The following GRIK1 variants were observed in gnomAD, a reference collection of about 807,000 sequenced individuals.
GRIK1 encodes the protein glutamate ionotropic receptor kainate type subunit 1.
In GRIK1, 69 loss-of-function variants were observed where a neutral mutation model predicts 105.7. The observed-to-expected ratio is 0.65, with a 90% CI of 0.54 to 0.80. The LOEUF is 0.80. Among genes scored for constraint, GRIK1 ranks in the 30% least tolerant of loss-of-function variants. The pLI is 0.00. For missense variants in GRIK1, 1,109 were observed against 1,167.3 expected, an observed-to-expected ratio of 0.95 and a Z score of 0.73; for synonymous variants, 438 against 431.3, an observed-to-expected ratio of 1.02 and a Z score of -0.19.
chr21:29,734,462 G>T (rs1259842887), intron 1 of GRIK1, among the ~76,000 whole-genome samples: 1 of 149,928 alleles, frequency 6.7e-6, no homozygotes. Context: ...AGGGTGGAGT[G>T]CAGTGGCACA....
At chr21:29,537,509 G>C (rs1021387955) in intron 17 of GRIK1, 124 bp from the exon 18 acceptor site, 7 of 777,674 alleles carry the variant, frequency 9.0e-6, no homozygotes, top group African/African-American at 1.7e-5. Context: ...GTCACAATTG[G>C]CCAGTTCCCA....
intron 1 of GRIK1, among the ~76,000 whole-genome samples, chr21:29,879,214 G>A (rs376855476): frequency 2.0e-4 from 31 of 152,204 alleles, no homozygotes; most frequent in South Asian, 4.1e-4. Flanking sequence ...AAACAATAGC[G>A]GGGAAGCTAT....
intron 1 of GRIK1, among the ~76,000 whole-genome samples, chr21:29,929,750 C>G (rs2071503372): frequency 6.6e-6 from 1 of 152,144 alleles, no homozygotes; most frequent in South Asian, 2.1e-4. Context: ...TTATGGAAAA[C>G]AGTATGTAGG....
chr21:29,741,324 A>G (rs889873071), intron 1 of GRIK1, among the ~76,000 whole-genome samples: 1 of 152,146 alleles, frequency 6.6e-6, no homozygotes, highest in Non-Finnish European at 1.5e-5. Context: ...TGACAGGTTA[A>G]TTTATGTTTT....
At chr21:29,789,643 C>T (rs1225638973) in intron 1 of GRIK1, among the ~76,000 whole-genome samples, 4 of 152,154 alleles carry the variant, frequency 2.6e-5, no homozygotes, top group East Asian at 1.9e-4. Context: ...CTTCCCTTAT[C>T]GCAGTAACCC....
At chr21:29,539,951 A>G (rs1195263974) in intron 16 of GRIK1, among the ~76,000 whole-genome samples, 1 of 152,204 alleles carries the variant, frequency 6.6e-6, no homozygotes, top group Non-Finnish European at 1.5e-5. Context: ...TTATCACTAT[A>G]GATAGCTTTT....
At chr21:29,565,970 G>A (rs763552277) in intron 14 of GRIK1, among the ~76,000 whole-genome samples, 11 of 152,268 alleles carry the variant, frequency 7.2e-5, no homozygotes, top group Admixed American at 2.6e-4. Context: ...AGTTCTGTCC[G>A]CTGCATGCCA....
rs757488482 is a variant in GRIK1, at chr21:29,598,828, A to G, written c.1206+2T>C. 1 of 1,275,146 alleles carries G rather than the reference A, an allele frequency of 7.8e-7. No individual in the cohort carries two copies. The highest frequency in any genetic ancestry group is 1.3e-5 in the South Asian group (1 of 79,568). The allele number at this position is 1,275,146 out of a possible 1,614,324, so 79.0% of individuals were successfully genotyped here. A position where few individuals can be genotyped will look rare whatever the true frequency, so the allele number is the denominator to read the frequency against. ...TTATTTATTTATTGTTAAGGAGGTT[A>G]CCTTTTCAGTTCCTTCCTCTTTGAG... is the stretch of plus-strand genomic sequence containing the variant. On this transcript the variant is annotated splice_donor_variant, in intron 8 of 17. Transcript: ENST00000327783. LOFTEE classifies it high-confidence loss of function.
chr21:29,891,900 T>A (rs2069914428), intron 1 of GRIK1, among the ~76,000 whole-genome samples: 1 of 152,232 alleles, frequency 6.6e-6, no homozygotes, highest in African/African-American at 2.4e-5. Flanking sequence ...AAAGAGATTG[T>A]TAATTTCATC....
At chr21:29,579,321 C>T (rs1403059515) in intron 13 of GRIK1, among the ~76,000 whole-genome samples, 1 of 152,002 alleles carries the variant, frequency 6.6e-6, no homozygotes, top group Admixed American at 6.6e-5. Context: ...TTAGAAATGG[C>T]TTCTTTCAAG....
At chr21:29,795,951 A>C (rs2066543454) in intron 1 of GRIK1, among the ~76,000 whole-genome samples, 1 of 152,094 alleles carries the variant, frequency 6.6e-6, no homozygotes, top group Non-Finnish European at 1.5e-5. Flanking sequence ...ATACTTCTTC[A>C]ATTCATTTGC....
intron 1 of GRIK1, chr21:29,759,073 C>A: frequency 6.5e-6 from 1 of 152,832 alleles, no homozygotes. Flanking sequence ...CTTCAGAAAT[C>A]TTCTTAATTG....
chr21:29,755,869 GT>G (rs2065324048), intron 1 of GRIK1, among the ~76,000 whole-genome samples: 1 of 152,184 alleles, frequency 6.6e-6, no homozygotes, highest in African/African-American at 2.4e-5. Context: ...CATGAATTGA[GT>G]AAAAAGGTTC....
At chr21:29,895,166 T>C (rs1285594996) in intron 1 of GRIK1, among the ~76,000 whole-genome samples, 1 of 152,106 alleles carries the variant, frequency 6.6e-6, no homozygotes, top group African/African-American at 2.4e-5. Flanking sequence ...AAAGAACTAA[T>C]CTAGAATGAC....
chr21:29,884,281 C>A (rs2069527179), intron 1 of GRIK1, among the ~76,000 whole-genome samples: 1 of 151,982 alleles, frequency 6.6e-6, no homozygotes, highest in Non-Finnish European at 1.5e-5. Flanking sequence ...ATACATTTGT[C>A]CATTATAAAT....
Position 29,794,653 on chromosome 21 carries a change from C to G in GRIK1, c.119-100590G>C, listed in dbSNP as rs558755905. 1.2e-4 allele frequency among the ~76,000 whole-genome samples: 18 copies of G among 152,214 alleles called. No individual in the cohort carries two copies. The South Asian group carries it at 3.5e-3, about 30-fold the overall frequency. On this transcript the variant is annotated intron_variant, in intron 1 of 17. Coordinates refer to ENST00000327783, the MANE Select transcript of GRIK1 (RefSeq NM_001330994.2). ...TATATTATGTGTTAGAAACTGTTTTCTTTTTATGTACTGATTTTTCCAGGT... is the reference window on the plus strand; with the variant it reads ...TATATTATGTGTTAGAAACTGTTTTGTTTTTATGTACTGATTTTTCCAGGT...
intron 1 of GRIK1, among the ~76,000 whole-genome samples, chr21:29,806,641 T>C (rs949162306): frequency 2.6e-5 from 4 of 152,126 alleles, no homozygotes; most frequent in Admixed American, 2.0e-4. Flanking sequence ...TAGGCAACCA[T>C]CCCATAGCCC....
chr21:29,821,964 T>C (rs2067318611), intron 1 of GRIK1, among the ~76,000 whole-genome samples: 2 of 152,018 alleles, frequency 1.3e-5, no homozygotes, highest in Admixed American at 1.3e-4. Flanking sequence ...TACCAATATA[T>C]TGAAAAAATA....
At chr21:29,562,939 C>T (rs2090518413) in intron 14 of GRIK1, among the ~76,000 whole-genome samples, 2 of 145,736 alleles carry the variant, frequency 1.4e-5, no homozygotes, top group African/African-American at 5.1e-5. Flanking sequence ...TATGAATTTT[C>T]CATTCTTTTG....
Sources: gnomAD v4.1 joint callset for allele counts (sites outside exome capture counted in the v4.1 genomes callset) on GRCh38, gnomAD v4.1.1 for gene constraint, MANE v1.5 for transcripts, NCBI Gene and HGNC (gene_info 2026-07-23, HGNC 2026-07-21) for gene names.